ZNF329: variants seen among roughly 807,000 people sequenced by gnomAD.
ZNF329 encodes zinc finger protein 329.
ZNF329 carries 15 observed loss-of-function variants against 26.6 expected under a neutral mutation model. The ratio of observed to expected loss-of-function variants is 0.56; its 90% CI spans 0.38 to 0.87. The LOEUF (loss-of-function observed/expected upper bound fraction) is 0.87. ZNF329 is among the 40% of genes least tolerant of loss of function. The pLI is 0.00. For synonymous variants in ZNF329, 239 were observed against 233.5 expected, an observed-to-expected ratio of 1.02 and a Z score of -0.21; for missense variants, 651 against 651.9, an observed-to-expected ratio of 1.00 and a Z score of 0.02.
At chr19:58,145,514 G>A (rs1031642872) in intron 1 of ZNF329, among the ~76,000 whole-genome samples, 6 of 151,302 alleles carry the variant, frequency 4.0e-5, no homozygotes, top group African/African-American at 1.5e-4. Flanking sequence ...TAGAGATGGG[G>A]TTTCACCATG....
chr19:58,142,199 T>G (rs1332539237), intron 3 of ZNF329, among the ~76,000 whole-genome samples: 3 of 152,110 alleles, frequency 2.0e-5, no homozygotes, highest in African/African-American at 7.2e-5. Context: ...AGACAGAAAG[T>G]AGATTAGAGA....
chr19:58,141,921 T>A (rs1241760549), intron 3 of ZNF329, among the ~76,000 whole-genome samples: 1 of 145,780 alleles, frequency 6.9e-6, no homozygotes, highest in African/African-American at 2.5e-5. Flanking sequence ...ATTAGCCGGG[T>A]ATGGTGGCCC....
In ZNF329 at chr19:58,129,660, C is replaced by T. The variant is rs937463029; in HGVS notation, c.-8-149G>A. 7.6e-5 allele frequency: 56 copies of T among 732,434 alleles called. No homozygotes were observed. The East Asian group carries it at 8.8e-4, about 12-fold the overall frequency. The allele number at this position is 732,434 out of a possible 1,614,324, so 45.4% of individuals were successfully genotyped here. On this transcript the variant is annotated intron_variant, in intron 3 of 3. Transcript: ENST00000598312. ...AATTTATACAAGGAAGAGGTAAAAT[C>T]GTAGCCAAGGAATGGAACCAAGAAC...
Position 58,129,038 on chromosome 19 carries a change from A to C in ZNF329, c.466T>G (p.Phe156Val), listed in dbSNP as rs905596279. ...TGACCAAGAGAGGTAAAATGATTAA[A>C]AGACTTAACACTTTCAGGGTATTTG... ...PYKYPESVKS[F>V]NHFTSLGHQK... Residue 156 changes from phenylalanine (F) to valine (V), a missense_variant, in exon 4 of 4, where the codon TTT becomes GTT. Phe to Val is a conservative substitution (Grantham distance 50). Coordinates refer to ENST00000598312, the MANE Select transcript of ZNF329 (RefSeq NM_024620.4). 10 of 1,614,018 alleles carry C rather than the reference A, an allele frequency of 6.2e-6. No homozygotes were observed. The highest frequency in any genetic ancestry group is 8.5e-6 in the Non-Finnish European group (10 of 1,179,966).
rs144702980 is a variant in ZNF329, at chr19:58,131,119, ATGTG to A, written c.-8-1612_-8-1609del. On this transcript the variant is annotated intron_variant, in intron 3 of 3. Transcript: ENST00000598312. ...AATATATATACATGTATATGTGTAT[ATGTG>A]TGTGTGTGTGTGTGTGTGCGCGTGT... Among the ~76,000 whole-genome samples, 14 of 150,140 alleles carry A rather than the reference ATGTG, an allele frequency of 9.3e-5. 1 individual carries two copies. In the South Asian group the frequency reaches 1.5e-3, roughly 16 times the overall value.
chr19:58,141,479 G>T (rs570215736), intron 3 of ZNF329, among the ~76,000 whole-genome samples: 19 of 152,112 alleles, frequency 1.2e-4, no homozygotes, highest in African/African-American at 4.3e-4. Context: ...ATTTTCAGTA[G>T]AGACGGGGTT....
rs2074862881 is a variant in ZNF329, at chr19:58,128,770, T to C, written c.734A>G (p.Asn245Ser). Reference protein sequence around the residue: ...ECGKSFSKNYNLIVHQRIHTG... With the variant: ...ECGKSFSKNYSLIVHQRIHTG... Reference sequence around the variant, plus strand: ...GTGGATTCTTTGATGCACAATCAGGTTGTAGTTCTTGGAGAAGGACTTTCC... The same window carrying C: ...GTGGATTCTTTGATGCACAATCAGGCTGTAGTTCTTGGAGAAGGACTTTCC... The change falls in exon 4 of 4, where the codon AAC (asparagine) becomes AGC (serine). Residue 245 changes from asparagine (N) to serine (S), a missense_variant. By Grantham distance (46) the Asn-to-Ser change is conservative. Coordinates refer to ENST00000598312, the MANE Select transcript of ZNF329 (RefSeq NM_024620.4). 6.2e-7 allele frequency: 1 copy of C among 1,601,560 alleles called. No homozygotes were observed.
At chr19:58,151,149 G>C (rs1849567544), upstream of ZNF329, among the ~76,000 whole-genome samples, 3 of 152,122 alleles carry the variant, frequency 2.0e-5, no homozygotes, top group African/African-American at 7.2e-5. Flanking sequence ...CCAGCATTTT[G>C]GGAGGCCTAA....
At chr19:58,148,367 G>A (rs1171098135) in intron 1 of ZNF329, among the ~76,000 whole-genome samples, 4 of 133,672 alleles carry the variant, frequency 3.0e-5, no homozygotes, top group East Asian at 2.2e-4. Context: ...CCCCCTCTGC[G>A]AGAAACACCC....
At chr19:58,137,932 G>C (rs2146093126) in intron 3 of ZNF329, among the ~76,000 whole-genome samples, 1 of 151,936 alleles carries the variant, frequency 6.6e-6, no homozygotes, top group South Asian at 2.1e-4. Context: ...TGAACGGAGA[G>C]AGTGCCACTT....
intron 3 of ZNF329, chr19:58,137,058 T>TAAAAAAAA (rs11355450): frequency 8.1e-6 from 1 of 123,764 alleles, no homozygotes; most frequent in Non-Finnish European, 1.8e-5. Flanking sequence ...TAAGTACAGA[T>TAAAAAAAA]AAAAAAAAAA....
At chr19:58,129,553 T>G (rs1401929127) in intron 3 of ZNF329, 42 bp from the exon 4 acceptor site, 2 of 1,496,734 alleles carry the variant, frequency 1.3e-6, no homozygotes, top group African/African-American at 2.8e-5. Flanking sequence ...ATATGAAGCT[T>G]TATCTGTAAG....
At chr19:58,134,875 G>T (rs1210105878) in intron 3 of ZNF329, among the ~76,000 whole-genome samples, 1 of 152,146 alleles carries the variant, frequency 6.6e-6, no homozygotes, top group Non-Finnish European at 1.5e-5. Context: ...GACAGAGGTT[G>T]CAGTGAGCCA....
At chr19:58,133,563 G>T (rs890560026) in intron 3 of ZNF329, among the ~76,000 whole-genome samples, 5 of 150,558 alleles carry the variant, frequency 3.3e-5, no homozygotes, top group Admixed American at 3.3e-4. Context: ...GGACAACAGT[G>T]AGACTGTCTC....
At chr19:58,148,440 T>C (rs536472377) in intron 1 of ZNF329, among the ~76,000 whole-genome samples, 2 of 151,610 alleles carry the variant, frequency 1.3e-5, no homozygotes, top group African/African-American at 4.8e-5. Flanking sequence ...TCCCTGTTTC[T>C]TCTTTTCCAG....
At chr19:58,140,236 T>C (rs1460989820) in intron 3 of ZNF329, among the ~76,000 whole-genome samples, 3 of 152,132 alleles carry the variant, frequency 2.0e-5, no homozygotes, top group South Asian at 2.1e-4. Flanking sequence ...GCCCCCAGAA[T>C]TGTATTGATT....
At chr19:58,145,100 C>T (rs1042699154) in intron 1 of ZNF329, among the ~76,000 whole-genome samples, 13 of 151,668 alleles carry the variant, frequency 8.6e-5, no homozygotes, top group Non-Finnish European at 4.4e-5. Context: ...CCGCCCGCCT[C>T]GGCCTCCCAA....
intron 3 of ZNF329, 64 bp from the exon 4 acceptor site, chr19:58,129,575 A>G (rs1036212169): frequency 6.0e-6 from 8 of 1,343,888 alleles, no homozygotes; most frequent in Non-Finnish European, 6.1e-6. Context: ...GAAACAGACA[A>G]TGATGATGGG....
In ZNF329 at chr19:58,128,169, G is replaced by A. The variant is rs774758618; in HGVS notation, c.1335C>T (p.His445=). ...LFRNIAGLIR[H]QRTHTGEKPY... is the part of the protein sequence containing the mutation. ...GCTTCTCACCAGTATGAGTCCTCTG[G>A]TGCCTAATGAGGCCAGCGATATTCC... The change falls in exon 4 of 4, where the codon CAC becomes CAT. Residue 445 remains histidine (H), a synonymous_variant. Transcript: ENST00000598312. 3 of 1,584,304 alleles carry A rather than the reference G, an allele frequency of 1.9e-6. No homozygotes were observed. Among genetic ancestry groups the A allele is most frequent in the South Asian group, 1.2e-5 (1 of 85,728 alleles).
Sources: allele counts gnomAD v4.1 joint callset (sites outside exome capture counted in the v4.1 genomes callset), GRCh38; gene constraint gnomAD v4.1.1; transcripts MANE v1.5; gene names NCBI Gene and HGNC (gene_info 2026-07-23, HGNC 2026-07-21).